Variants in ITGA2 observed in about 807,000 individuals in gnomAD.
ITGA2 encodes the protein integrin alpha-2.
In ITGA2, 101 loss-of-function variants were observed where a neutral mutation model predicts 146.3. The ratio of observed to expected loss-of-function variants is 0.69; its 90% CI spans 0.59 to 0.81. The LOEUF (loss-of-function observed/expected upper bound fraction) is 0.81, where lower values mean the gene tolerates loss of function less well. Ranked by LOEUF, ITGA2 falls within the 40% of genes least tolerant of loss-of-function variation. ITGA2 has a pLI of 0.00. For synonymous variants in ITGA2, 477 were observed against 487.1 expected (o/e 0.98, Z 0.27); for missense variants, 1,281 against 1,402.7 (o/e 0.91, Z 1.39).
chr5:53,088,685 CAAAAA>C (rs5867861), intron 28 of ITGA2, among the ~76,000 whole-genome samples: 3 of 105,892 alleles, frequency 2.8e-5, no homozygotes, highest in South Asian at 3.1e-4. Context: ...GACTCTGTCT[CAAAAA>C]AAAAAAAAAA....
chr5:52,998,297 CA>C (rs1468213193), intron 1 of ITGA2, among the ~76,000 whole-genome samples: 5 of 151,778 alleles, frequency 3.3e-5, no homozygotes, highest in Non-Finnish European at 4.4e-5. Context: ...ACTAAAAATA[CA>C]AAAAAATTAG....
At chr5:52,994,409 A>G (rs1332545286) in intron 1 of ITGA2, among the ~76,000 whole-genome samples, 2 of 152,214 alleles carry the variant, frequency 1.3e-5, no homozygotes, top group African/African-American at 4.8e-5. Context: ...AAGGGTGATT[A>G]GGCTGGTCCC....
chr5:53,087,221 C>T (rs1054276116), intron 28 of ITGA2, among the ~76,000 whole-genome samples, 180 bp downstream of exon 28: 1 of 152,134 alleles, frequency 6.6e-6, no homozygotes, highest in African/African-American at 2.4e-5. Flanking sequence ...TTAAAAAGTT[C>T]AGTGATACAC....
At chr5:53,061,220 A>T (rs1744893442) in intron 12 of ITGA2, among the ~76,000 whole-genome samples, 174 bp downstream of exon 12, 1 of 151,940 alleles carries the variant, frequency 6.6e-6, no homozygotes, top group Non-Finnish European at 1.5e-5. Context: ...CCAAGAAGAC[A>T]GCCCTCCCTT....
At chr5:53,034,708 C>T (rs1382368611) in intron 2 of ITGA2, among the ~76,000 whole-genome samples, 5 of 152,052 alleles carry the variant, frequency 3.3e-5, no homozygotes. Context: ...GTGACTGGGA[C>T]TTACACACAC....
At position 53,080,630 on chromosome 5, in the gene ITGA2, T is replaced by G. The variant is rs772956664; in HGVS notation, c.3039+9T>G. Reference sequence around the variant, plus strand: ...GGGTGCAAACAGACAAGGTAAAGATTAAAAAATTGCCTAAAAATGTGTACT... The same window carrying G: ...GGGTGCAAACAGACAAGGTAAAGATGAAAAAATTGCCTAAAAATGTGTACT... On this transcript the variant is annotated intron_variant, in intron 25 of 29. Transcript: ENST00000296585. 4 of 1,590,492 alleles carry G rather than the reference T, an allele frequency of 2.5e-6. No individual in the cohort carries two copies. The highest frequency in any genetic ancestry group is 1.7e-5 in the Admixed American group (1 of 59,920).
At chr5:53,021,401 T>C (rs1742674543) in intron 1 of ITGA2, among the ~76,000 whole-genome samples, 1 of 152,254 alleles carries the variant, frequency 6.6e-6, no homozygotes, top group Non-Finnish European at 1.5e-5. Flanking sequence ...ATAGAATTTC[T>C]GTGGCCCAGC....
chr5:53,020,601 T>C lies in ITGA2; in HGVS notation c.65-6147T>C, dbSNP rs561239298. On this transcript the variant is annotated intron_variant, in intron 1 of 29. Coordinates refer to ENST00000296585, the MANE Select transcript of ITGA2 (RefSeq NM_002203.4). ...ATAAAATAGCTCATGCTTATAGTCC[T>C]TCTAGTCCAGGGTAGGAGAAGCAAT... is the stretch of plus-strand genomic sequence containing the variant. Among the ~76,000 whole-genome samples the C allele has an allele frequency of 3.9e-5, 6 of 152,136 alleles. No individual in the cohort carries two copies. In the East Asian group the frequency reaches 9.6e-4, roughly 24 times the overall value.
At chr5:53,028,496 T>C (rs1021553264) in intron 2 of ITGA2, among the ~76,000 whole-genome samples, 2 of 152,228 alleles carry the variant, frequency 1.3e-5, no homozygotes, top group Admixed American at 1.3e-4. Context: ...AATGATGCTT[T>C]GATAATCATA....
At position 53,081,657 on chromosome 5, in the gene ITGA2, A is replaced by G. The variant is rs911912859; in HGVS notation, c.3105A>G (p.Val1035=). 46 of 1,613,074 alleles carry G rather than the reference A, an allele frequency of 2.9e-5. No homozygotes were observed. The highest frequency in any genetic ancestry group is 3.8e-5 in the Non-Finnish European group (45 of 1,179,552). Residue 1035 remains valine (V), a synonymous_variant, in exon 26 of 30, where the codon GTA becomes GTG. Coordinates refer to ENST00000296585, the MANE Select transcript of ITGA2 (RefSeq NM_002203.4). The part of the protein sequence containing the change: ...PLKIGQTSSS[V]SFKSENFRHT... ...AAATAGGACAAACATCTTCTTCTGT[A>G]TCTTTCAAAAGTGAAAATTTCAGGC...
At chr5:53,023,933 A>G (rs1742808423) in intron 1 of ITGA2, among the ~76,000 whole-genome samples, 1 of 152,220 alleles carries the variant, frequency 6.6e-6, no homozygotes, top group South Asian at 2.1e-4. Context: ...GATTTATCAA[A>G]AGAGGCAGGA....
chr5:53,067,291 G>A (rs779648375), intron 16 of ITGA2, 34 bp downstream of exon 16: 3 of 1,609,776 alleles, frequency 1.9e-6, no homozygotes, highest in Non-Finnish European at 2.5e-6. Flanking sequence ...TATAGAAATT[G>A]GTTGGCTTAC....
At chr5:53,029,145 G>A (rs1344832698) in intron 2 of ITGA2, among the ~76,000 whole-genome samples, 4 of 152,108 alleles carry the variant, frequency 2.6e-5, no homozygotes, top group East Asian at 3.9e-4. Flanking sequence ...GGTGGCGGGC[G>A]CCTGTAATCC....
In ITGA2 at chr5:53,093,453, C is replaced by G. The variant is rs1740536689; in HGVS notation, c.*2854C>G. 1 of 151,998 alleles carries G rather than the reference C, an allele frequency of 6.6e-6. No individual in the cohort carries two copies. The highest frequency in any genetic ancestry group is 2.4e-5 in the African/African-American group (1 of 41,340). The allele number at this position is 151,998 out of a possible 1,614,324, so 9.4% of individuals were successfully genotyped here. Reference sequence around the variant, plus strand: ...CTTCCTTGCAGGGGCTGTCCTGTACCTTGTAGGACAGCAGCCCTGTCCTAG... The same window carrying G: ...CTTCCTTGCAGGGGCTGTCCTGTACGTTGTAGGACAGCAGCCCTGTCCTAG... On this transcript the variant is annotated 3_prime_UTR_variant, in exon 30 of 30. Transcript: ENST00000296585.
intron 3 of ITGA2, 72 bp downstream of exon 3, chr5:53,042,293 A>C (rs1433064985): frequency 1.0e-6 from 1 of 993,074 alleles, no homozygotes; most frequent in African/African-American, 1.6e-5. Context: ...CAGAACAATC[A>C]TTGTTCTGTC....
intron 15 of ITGA2, among the ~76,000 whole-genome samples, chr5:53,066,721 T>C (rs1247715639): frequency 6.6e-6 from 1 of 151,916 alleles, no homozygotes; most frequent in Non-Finnish European, 1.5e-5. Flanking sequence ...GTACATTATT[T>C]TTATTGCAGA....
In ITGA2 at chr5:53,005,247, A is replaced by G. The variant is rs73754093; in HGVS notation, c.64+15715A>G. Among the ~76,000 whole-genome samples, 1,377 of 152,116 alleles carry G rather than the reference A, an allele frequency of 9.1e-3. 18 individuals are homozygous for G. The highest frequency in any genetic ancestry group is 0.031 in the African/African-American group (1,289 of 41,472). On this transcript the variant is annotated intron_variant, in intron 1 of 29. Coordinates refer to ENST00000296585, the MANE Select transcript of ITGA2 (RefSeq NM_002203.4). Reference sequence around the variant, plus strand: ...CTTCTCGTGTGTGTCAGCAAAATGCAGCAACGTGTCATCCTCCTAACCATT... The same window carrying G: ...CTTCTCGTGTGTGTCAGCAAAATGCGGCAACGTGTCATCCTCCTAACCATT...
At chr5:53,021,982 G>A (rs1028529494) in intron 1 of ITGA2, among the ~76,000 whole-genome samples, 1 of 152,104 alleles carries the variant, frequency 6.6e-6, no homozygotes, top group Non-Finnish European at 1.5e-5. Flanking sequence ...TGGCCCTTCA[G>A]TATATATAGA....
chr5:53,089,869 A>G, intron 28 of ITGA2, 77 bp from the exon 29 acceptor site: 1 of 867,602 alleles, frequency 1.2e-6, no homozygotes, highest in Non-Finnish European at 2.0e-6. Flanking sequence ...CACTTACAGA[A>G]TTAGAGAATT....
Sources: allele counts gnomAD v4.1 joint callset (sites outside exome capture counted in the v4.1 genomes callset), GRCh38; gene constraint gnomAD v4.1.1; transcripts MANE v1.5; gene names NCBI Gene and HGNC (gene_info 2026-07-23, HGNC 2026-07-21).